TRIR: variants seen among roughly 807,000 people sequenced by gnomAD.
TRIR encodes telomerase RNA component interacting RNase.
A neutral mutation model predicts 18.2 loss-of-function variants in TRIR; 5 were observed. The observed-to-expected ratio is 0.27, with a 90% CI of 0.14 to 0.58. The LOEUF is 0.58. Among genes scored for constraint, TRIR ranks in the 20% least tolerant of loss-of-function variants. The pLI, the probability that TRIR is intolerant of heterozygous loss-of-function variation, is 0.91. For missense variants in TRIR, 206 were observed against 252.8 expected, an observed-to-expected ratio of 0.81 and a Z score of 1.25; for synonymous variants, 134 against 114.4, an observed-to-expected ratio of 1.17 and a Z score of -1.10.
chr19:12,733,501 A>G (rs1967472441), intron 1 of TRIR, among the ~76,000 whole-genome samples: 2 of 152,150 alleles, frequency 1.3e-5, no homozygotes, highest in African/African-American at 4.8e-5. Context: ...CATGGTAGGA[A>G]GTTGAGCAGC....
At chr19:12,733,814 C>T (rs988720761) in intron 1 of TRIR, among the ~76,000 whole-genome samples, 1 of 152,166 alleles carries the variant, frequency 6.6e-6, no homozygotes, top group Non-Finnish European at 1.5e-5. Context: ...CACTGCATAC[C>T]AGCACCTAGC....
Position 12,731,168 on chromosome 19 carries a change from TG to T in TRIR, c.424-101del. On this transcript the variant is annotated intron_variant, in intron 2 of 2. Transcript: ENST00000242784. This position sits in a 1 kb window ranked among gnomAD's most constrained non-coding sequence, Gnocchi z 5.1. The stretch of plus-strand genomic sequence containing the variant: ...ATTCCCAGTGTCACCCAGAAGACTC[TG>T]GGTTTGAGCTGAAGATTATAAAGTC... 7.7e-7 allele frequency: 1 copy of T among 1,304,058 alleles called. No homozygotes were observed. The highest frequency in any genetic ancestry group is 1.7e-5 in the Admixed American group (1 of 58,358). The allele number at this position is 1,304,058 out of a possible 1,614,324, so 80.8% of individuals were successfully genotyped here.
In TRIR at chr19:12,730,683, A is replaced by C; in HGVS notation, c.*278T>G. 7 of 497,306 alleles carry C rather than the reference A, an allele frequency of 1.4e-5. No homozygotes were observed. The highest frequency in any genetic ancestry group is 3.8e-5 in the East Asian group (1 of 26,356). 30.8% of individuals were successfully genotyped at this position (497,306 alleles called of 1,614,324 possible). On this transcript the variant is annotated 3_prime_UTR_variant, in exon 3 of 3. Coordinates refer to ENST00000242784, the MANE Select transcript of TRIR (RefSeq NM_024038.4). Reference sequence around the variant, plus strand: ...TCTTTACTTCCCAGAAGTGATGGCTAAGGGGAGGGAGGAGGGTGAGAAGAG... The same window carrying C: ...TCTTTACTTCCCAGAAGTGATGGCTCAGGGGAGGGAGGAGGGTGAGAAGAG...
Position 12,731,499 on chromosome 19 carries a change from T to G in TRIR, c.346-78A>C. ...GGCGGCGCTGAGGCCCACTACACCT[T>G]CCTAGCCCGGCCTGGTGGCCCGTCC... On this transcript the variant is annotated intron_variant, in intron 1 of 2. Transcript: ENST00000242784. This position sits in a 1 kb window ranked among gnomAD's most constrained non-coding sequence, Gnocchi z 5.1. 1 of 1,462,144 alleles carries G rather than the reference T, an allele frequency of 6.8e-7. No individual in the cohort carries two copies. Among genetic ancestry groups the G allele is most frequent in the Non-Finnish European group, 9.3e-7 (1 of 1,079,086 alleles). 90.6% of individuals were successfully genotyped at this position (1,462,144 alleles called of 1,614,324 possible). A position where few individuals can be genotyped will look rare whatever the true frequency, so the allele number is the denominator to read the frequency against.
Position 12,734,670 on chromosome 19 carries a change from T to C in TRIR, c.-13A>G, listed in dbSNP as rs891530663. ...CTCGGGCAGCCATTTTGTCGCCAGG[T>C]GCCGCGCAAAGGACTCCGGGAAGGC... On this transcript the variant is annotated 5_prime_UTR_variant, in exon 1 of 3. Transcript: ENST00000242784. The surrounding 1 kb of genome is among the most constrained non-coding windows in gnomAD (Gnocchi z 4.1). 8 of 1,499,138 alleles carry C rather than the reference T, an allele frequency of 5.3e-6. No individual in the cohort carries two copies. Among genetic ancestry groups the C allele is most frequent in the Non-Finnish European group, 7.1e-6 (8 of 1,133,150 alleles). 92.9% of individuals were successfully genotyped at this position (1,499,138 alleles called of 1,614,324 possible). A position where few individuals can be genotyped will look rare whatever the true frequency, so the allele number is the denominator to read the frequency against.
In TRIR at chr19:12,734,529, C is replaced by T; in HGVS notation, c.129G>A (p.Glu43=). The T allele has an allele frequency of 2.0e-6, 3 of 1,535,700 alleles. No individual in the cohort carries two copies. The highest frequency in any genetic ancestry group is 1.7e-6 in the Non-Finnish European group (2 of 1,144,126). Reference sequence around the variant, plus strand: ...CCGGGCTCGAACCCGCGCCCGACACCTCCTCGTCCCCGCTCTCGGGCGACG... The same window carrying T: ...CCGGGCTCGAACCCGCGCCCGACACTTCCTCGTCCCCGCTCTCGGGCGACG... ...SGTSPESGDE[E]VSGAGSSPVS... The change falls in exon 1 of 3, where the codon GAG becomes GAA. Residue 43 remains glutamate, a synonymous_variant. Transcript: ENST00000242784. This position sits in a 1 kb window ranked among gnomAD's most constrained non-coding sequence, Gnocchi z 4.1.
At chr19:12,732,764 A>AT (rs558163158) in intron 1 of TRIR, among the ~76,000 whole-genome samples, 261 of 151,792 alleles carry the variant, frequency 1.7e-3, no homozygotes, top group South Asian at 4.4e-3. Context: ...TAATTTTTGT[A>AT]TTTTTAGTAG....
Position 12,730,935 on chromosome 19 carries a change from G to A in TRIR, c.*26C>T, listed in dbSNP as rs753626060. ...GTTATGTACATCGCAGAGAGTCCCA[G>A]GCCATGGGCAGGTGGGGGAGGGGCG... On this transcript the variant is annotated 3_prime_UTR_variant, in exon 3 of 3. Coordinates refer to ENST00000242784, the MANE Select transcript of TRIR (RefSeq NM_024038.4). The A allele has an allele frequency of 6.3e-7, 1 of 1,590,250 alleles. No individual in the cohort carries two copies. The highest frequency in any genetic ancestry group is 1.1e-5 in the South Asian group (1 of 90,572).
In TRIR at chr19:12,734,674, G is replaced by A; in HGVS notation, c.-17C>T. 2.0e-6 allele frequency: 3 copies of A among 1,490,020 alleles called. No homozygotes were observed. Among genetic ancestry groups the A allele is most frequent in the Non-Finnish European group, 2.7e-6 (3 of 1,129,110 alleles). The allele number at this position is 1,490,020 out of a possible 1,614,324, so 92.3% of individuals were successfully genotyped here. On this transcript the variant is annotated 5_prime_UTR_variant, in exon 1 of 3. Transcript: ENST00000242784. The surrounding 1 kb of genome is among the most constrained non-coding windows in gnomAD (Gnocchi z 4.1). ...GGCAGCCATTTTGTCGCCAGGTGCC[G>A]CGCAAAGGACTCCGGGAAGGCCGCT...
intron 1 of TRIR, among the ~76,000 whole-genome samples, chr19:12,733,319 A>G (rs1162048884): frequency 5.3e-5 from 8 of 152,200 alleles, no homozygotes; most frequent in Admixed American, 5.2e-4. Context: ...TATTCTCAAC[A>G]CTTTTTCCTC....
chr19:12,732,124 CAAAAAAA>C (rs34115155), intron 1 of TRIR, among the ~76,000 whole-genome samples: 19 of 79,788 alleles, frequency 2.4e-4, no homozygotes, highest in East Asian at 8.4e-4. Context: ...GACTCTGTCT[CAAAAAAA>C]AAAAAAAAAA....
In TRIR at chr19:12,734,210, T is replaced by C. The variant is rs1967487708; in HGVS notation, c.345+103A>G. 8.5e-7 allele frequency: 1 copy of C among 1,183,426 alleles called. No individual in the cohort carries two copies. 73.3% of individuals were successfully genotyped at this position (1,183,426 alleles called of 1,614,324 possible). A position where few individuals can be genotyped will look rare whatever the true frequency, so the allele number is the denominator to read the frequency against. ...CGGGTGACCCGGACGGGCCCCTCATTCAGAACGGAAAGTGGACTTCGGTCC... is the reference window on the plus strand; with the variant it reads ...CGGGTGACCCGGACGGGCCCCTCATCCAGAACGGAAAGTGGACTTCGGTCC... On this transcript the variant is annotated intron_variant, in intron 1 of 2. Transcript: ENST00000242784. This position sits in a 1 kb window ranked among gnomAD's most constrained non-coding sequence, Gnocchi z 4.1.
chr19:12,732,479 C>T (rs1967449833), intron 1 of TRIR, among the ~76,000 whole-genome samples: 2 of 152,216 alleles, frequency 1.3e-5, no homozygotes, highest in South Asian at 2.1e-4. Context: ...TTCCTCTAGC[C>T]TTTCATCCTG....
Position 12,730,953 on chromosome 19 carries a change from G to A in TRIR, c.*8C>T, listed in dbSNP as rs779719752. 2 of 1,611,578 alleles carry A rather than the reference G, an allele frequency of 1.2e-6. No homozygotes were observed. Among genetic ancestry groups the A allele is most frequent in the Non-Finnish European group, 8.5e-7 (1 of 1,177,774 alleles). ...AGTCCCAGGCCATGGGCAGGTGGGG[G>A]AGGGGCGTCATTTCACCAGGGGCCG... On this transcript the variant is annotated 3_prime_UTR_variant, in exon 3 of 3. Coordinates refer to ENST00000242784, the MANE Select transcript of TRIR (RefSeq NM_024038.4).
chr19:12,730,996 C>T lies in TRIR; in HGVS notation c.496G>A (p.Gly166Ser), dbSNP rs775736306. 7 of 1,614,038 alleles carry T rather than the reference C, an allele frequency of 4.3e-6. No individual in the cohort carries two copies. Among genetic ancestry groups the T allele is most frequent in the Non-Finnish European group, 4.2e-6 (5 of 1,180,008 alleles). ...EVKKYKAHQC[G>S]DDDKTRPLVK The stretch of plus-strand genomic sequence containing the variant: ...AGGGGCCGAGTTTTATCATCGTCAC[C>T]GCACTGGTGAGCTTTGTACTTTTTC... The change falls in exon 3 of 3, where the codon GGT (glycine) becomes AGT (serine). Residue 166 changes from glycine (G) to serine (S), a missense_variant. Gly to Ser is a moderately conservative substitution (Grantham distance 56). Transcript: ENST00000242784.
chr19:12,734,364 A>AGCG lies in TRIR; in HGVS notation c.291_293dup (p.Ala98dup), dbSNP rs1269379612. ...CCTTCCTCTTCGGATCCCCGGGGCC[A>AGCG]GCGGCGGCGGCCGACTGGTCGGGTC... On this transcript the variant is annotated inframe_insertion, in exon 1 of 3. Coordinates refer to ENST00000242784, the MANE Select transcript of TRIR (RefSeq NM_024038.4). The surrounding 1 kb of genome is among the most constrained non-coding windows in gnomAD (Gnocchi z 4.1). 2 of 1,473,102 alleles carry AGCG rather than the reference A, an allele frequency of 1.4e-6. No homozygotes were observed. Among genetic ancestry groups the AGCG allele is most frequent in the East Asian group, 5.7e-5 (2 of 34,884 alleles). 91.3% of individuals were successfully genotyped at this position (1,473,102 alleles called of 1,614,324 possible). A position where few individuals can be genotyped will look rare whatever the true frequency, so the allele number is the denominator to read the frequency against.
chr19:12,734,424 C>T lies in TRIR; in HGVS notation c.234G>A (p.Arg78=). Residue 78 remains arginine (R), a synonymous_variant, in exon 1 of 3, where the codon CGG becomes CGA. Transcript: ENST00000242784. This position sits in a 1 kb window ranked among gnomAD's most constrained non-coding sequence, Gnocchi z 4.1. ...CCGGGGGCGGCTCCTCCTGCCGCTGCCGCTGCTCCTCCTCCATCTTCCGCT... is the reference window on the plus strand; with the variant it reads ...CCGGGGGCGGCTCCTCCTGCCGCTGTCGCTGCTCCTCCTCCATCTTCCGCT... ...LFKRKMEEEQ[R]QRQEEPPPGP... 6.6e-7 allele frequency: 1 copy of T among 1,524,058 alleles called. No individual in the cohort carries two copies. The allele number at this position is 1,524,058 out of a possible 1,614,324, so 94.4% of individuals were successfully genotyped here.
Position 12,734,518 on chromosome 19 carries a change from G to A in TRIR, c.140C>T (p.Ala47Val). The A allele has an allele frequency of 1.3e-6, 2 of 1,535,670 alleles. No homozygotes were observed. Among genetic ancestry groups the A allele is most frequent in the Middle Eastern group, 1.7e-4 (1 of 5,968 alleles). The change falls in exon 1 of 3, where the codon GCG becomes GTG. Residue 47 changes from alanine to valine, a missense_variant. By Grantham distance (64) the Ala-to-Val change is moderately conservative. Coordinates refer to ENST00000242784, the MANE Select transcript of TRIR (RefSeq NM_024038.4). The surrounding 1 kb of genome is among the most constrained non-coding windows in gnomAD (Gnocchi z 4.1). ...GCCGCCCGACACCGGGCTCGAACCC[G>A]CGCCCGACACCTCCTCGTCCCCGCT... ...PESGDEEVSG[A>V]GSSPVSGGVN...
In TRIR at chr19:12,731,213, T is replaced by C. The variant is rs1292974741; in HGVS notation, c.423+131A>G. On this transcript the variant is annotated intron_variant, in intron 2 of 2. Coordinates refer to ENST00000242784, the MANE Select transcript of TRIR (RefSeq NM_024038.4). The surrounding 1 kb of genome is among the most constrained non-coding windows in gnomAD (Gnocchi z 5.1). ...TAAAGTCAAGTTATCTGGGGACCCA[T>C]TGACAGCCCTCCTACCCTGCCAGGC... 9.3e-6 allele frequency: 12 copies of C among 1,296,592 alleles called. No individual in the cohort carries two copies. The highest frequency in any genetic ancestry group is 5.2e-5 in the Admixed American group (3 of 57,256). 80.3% of individuals were successfully genotyped at this position (1,296,592 alleles called of 1,614,324 possible). A position where few individuals can be genotyped will look rare whatever the true frequency, so the allele number is the denominator to read the frequency against.
Sources: gnomAD v4.1 joint callset for allele counts (sites outside exome capture counted in the v4.1 genomes callset) on GRCh38, gnomAD v4.1.1 for gene constraint, Gnocchi (gnomAD v3.1) non-coding constraint, MANE v1.5 for transcripts, NCBI Gene and HGNC (gene_info 2026-07-23, HGNC 2026-07-21) for gene names.